Variants in INSR observed in about 807,000 individuals in gnomAD.
INSR encodes the protein insulin receptor, also known as IR.
A neutral mutation model predicts 142.6 loss-of-function variants in INSR; 67 were observed. The ratio of observed to expected loss-of-function variants is 0.47; its 90% CI spans 0.39 to 0.58. INSR has a LOEUF of 0.58. Among genes scored for constraint, INSR ranks in the 20% least tolerant of loss-of-function variants. The probability of loss-of-function intolerance (pLI) is 0.00; values close to 1 mark genes in which losing one functional copy is unlikely to be tolerated. For missense variants in INSR, 1,248 were observed against 1,833.2 expected (o/e 0.68, Z 5.83); for synonymous variants, 756 against 743.1 (o/e 1.02, Z -0.28).
At chr19:7,198,199 C>T (rs1974844027) in intron 2 of INSR, among the ~76,000 whole-genome samples, 1 of 151,492 alleles carries the variant, frequency 6.6e-6, no homozygotes, top group Non-Finnish European at 1.5e-5. Context: ...CCGGCGGTTG[C>T]GGCGGCCGCA....
chr19:7,221,400 AGG>A (rs1975609233), intron 2 of INSR, among the ~76,000 whole-genome samples: 1 of 142,456 alleles, frequency 7.0e-6, no homozygotes, highest in Admixed American at 7.2e-5. Flanking sequence ...GAGGAGGAGG[AGG>A]AGGAAAGAAG....
rs1292899687 is a variant in INSR at position 7,113,300 on chromosome 19, T to C, written c.*3756A>G. On this transcript the variant is annotated 3_prime_UTR_variant, in exon 22 of 22. Coordinates refer to ENST00000302850, the MANE Select transcript of INSR (RefSeq NM_000208.4). ...ATACAGTGAAAGATCTGTCTGTCAG[T>C]TGGTAACATAGTCCCCAGGGTCACA... is the stretch of plus-strand genomic sequence containing the variant. 2.0e-5 allele frequency: 3 copies of C among 152,198 alleles called. No individual in the cohort carries two copies. The highest frequency in any genetic ancestry group is 4.4e-5 in the Non-Finnish European group (3 of 68,044). The allele number at this position is 152,198 out of a possible 1,614,324, so 9.4% of individuals were successfully genotyped here.
Position 7,148,817 on chromosome 19 carries a change from C to T in INSR, c.2267+1680G>A, listed in dbSNP as rs531512305. ...TATTTTATTTTTATTTTTTTTGAGA[C>T]GGAGTCTCGCTCTGTGGCCCAGGCT... On this transcript the variant is annotated intron_variant, in intron 11 of 21. Coordinates refer to ENST00000302850, the MANE Select transcript of INSR (RefSeq NM_000208.4). Among the ~76,000 whole-genome samples, 8 of 150,990 alleles carry T rather than the reference C, an allele frequency of 5.3e-5. No homozygotes were observed. In the East Asian group the frequency reaches 5.9e-4, roughly 11 times the overall value.
intron 2 of INSR, among the ~76,000 whole-genome samples, chr19:7,257,443 A>G (rs1600100892): frequency 7.3e-6 from 1 of 137,656 alleles, no homozygotes; most frequent in East Asian, 2.5e-4. Context: ...CGAAGGGGAA[A>G]GGCGGGGTGG....
At position 7,125,427 on chromosome 19, in the gene INSR, A is replaced by G. The variant is rs774935510; in HGVS notation, c.3114T>C (p.Tyr1038=). 50 of 1,614,018 alleles carry G rather than the reference A, an allele frequency of 3.1e-5. No homozygotes were observed. Among genetic ancestry groups the G allele is most frequent in the South Asian group, 1.2e-4 (11 of 91,084 alleles). The change falls in exon 17 of 22, where the codon TAT becomes TAC. Residue 1038 remains tyrosine, a synonymous_variant. Coordinates refer to ENST00000302850, the MANE Select transcript of INSR (RefSeq NM_000208.4). This position sits in a 1 kb window ranked among gnomAD's most constrained non-coding sequence, Gnocchi z 4.9. ...ELGQGSFGMV[Y]EGNARDIIKG... is the part of the protein sequence containing the mutation. ...TGATGATGTCCCTGGCATTGCCCTCATACACCATGCCGAAGGAGCCCTGCC... is the reference window on the plus strand; with the variant it reads ...TGATGATGTCCCTGGCATTGCCCTCGTACACCATGCCGAAGGAGCCCTGCC...
At chr19:7,132,046 A>G in intron 14 of INSR, 112 bp downstream of exon 14, 7 of 1,308,048 alleles carry the variant, frequency 5.4e-6, no homozygotes, top group Non-Finnish European at 7.7e-6. Flanking sequence ...TAGGCCTGAG[A>G]GTCAAGGCCA....
intron 2 of INSR, among the ~76,000 whole-genome samples, chr19:7,204,520 GA>G (rs1275046726): frequency 6.6e-6 from 1 of 152,136 alleles, no homozygotes; most frequent in Admixed American, 6.6e-5. Context: ...CTGATTGGGG[GA>G]AAGATCCATT....
chr19:7,280,264 A>G (rs998410656), intron 1 of INSR, among the ~76,000 whole-genome samples: 10 of 151,490 alleles, frequency 6.6e-5, no homozygotes, highest in Admixed American at 6.6e-4. Flanking sequence ...ACTCCGTCTC[A>G]TAACAAAAAA....
At chr19:7,261,272 AG>A (rs1977055097) in intron 2 of INSR, among the ~76,000 whole-genome samples, 1 of 152,134 alleles carries the variant, frequency 6.6e-6, no homozygotes, top group South Asian at 2.1e-4. Flanking sequence ...ATTTGCCACT[AG>A]ACTGGCCGCT....
rs577120772 is a variant in INSR, at chr19:7,120,534, G to A, written c.3659+86C>T. The A allele has an allele frequency of 2.3e-5, 36 of 1,533,798 alleles. No homozygotes were observed. The East Asian group carries it at 7.0e-4, about 30-fold the overall frequency. On this transcript the variant is annotated intron_variant, in intron 20 of 21. Transcript: ENST00000302850. ...TCCTTGATGGGGCGTCCAGGAGGAT[G>A]GCAGGCTTCCTTCCCCCGCTCTTGG...
chr19:7,120,088 G>C (rs1972453227), intron 20 of INSR, among the ~76,000 whole-genome samples: 1 of 152,202 alleles, frequency 6.6e-6, no homozygotes, highest in Admixed American at 6.5e-5. Context: ...ATTCTATTCA[G>C]AGTCCCCACT....
At chr19:7,238,009 T>A (rs1976217628) in intron 2 of INSR, among the ~76,000 whole-genome samples, 1 of 151,974 alleles carries the variant, frequency 6.6e-6, no homozygotes, top group African/African-American at 2.4e-5. Context: ...GAGGTTTCCC[T>A]CCATCTTGGG....
At chr19:7,126,345 C>A (rs1045224713) in intron 16 of INSR, among the ~76,000 whole-genome samples, 1 of 152,252 alleles carries the variant, frequency 6.6e-6, no homozygotes, top group Admixed American at 6.5e-5. Flanking sequence ...GTGGTCGACC[C>A]TGCCCAAGGG....
Position 7,254,968 on chromosome 19 carries a change from T to C in INSR, c.652+12377A>G, listed in dbSNP as rs531809440. 3.0e-3 allele frequency among the ~76,000 whole-genome samples: 464 copies of C among 152,256 alleles called. 2 individuals are homozygous for C. Among genetic ancestry groups the C allele is most frequent in the Non-Finnish European group, 5.0e-3 (342 of 68,004 alleles). Reference sequence around the variant, plus strand: ...CTACCCGCCTTCTTCCCAAAAGGATTGGGCCAAAAGGTCAGTTTCAACTGA... The same window carrying C: ...CTACCCGCCTTCTTCCCAAAAGGATCGGGCCAAAAGGTCAGTTTCAACTGA... On this transcript the variant is annotated intron_variant, in intron 2 of 21. Transcript: ENST00000302850.
At chr19:7,258,518 A>G (rs1251740099) in intron 2 of INSR, among the ~76,000 whole-genome samples, 2 of 149,630 alleles carry the variant, frequency 1.3e-5, no homozygotes, top group African/African-American at 4.9e-5. Flanking sequence ...CACTGGGCAA[A>G]GGCCTTACGT....
Position 7,150,390 on chromosome 19 carries a change from C to T in INSR, c.2267+107G>A. On this transcript the variant is annotated intron_variant, in intron 11 of 21. Coordinates refer to ENST00000302850, the MANE Select transcript of INSR (RefSeq NM_000208.4). The surrounding 1 kb of genome is among the most constrained non-coding windows in gnomAD (Gnocchi z 4.2). Reference sequence around the variant, plus strand: ...ATCTGCTCTCCAGCACAGCTGCCCGCCGCATGCAAAAAGCCACAGAAACCC... The same window carrying T: ...ATCTGCTCTCCAGCACAGCTGCCCGTCGCATGCAAAAAGCCACAGAAACCC... The T allele has an allele frequency of 1.0e-6, 1 of 953,392 alleles. No homozygotes were observed. The highest frequency in any genetic ancestry group is 1.7e-6 in the Non-Finnish European group (1 of 598,574). 59.1% of individuals were successfully genotyped at this position (953,392 alleles called of 1,614,324 possible).
At chr19:7,153,366 C>A (rs117229485) in intron 9 of INSR, among the ~76,000 whole-genome samples, 8 of 1,964 alleles carry the variant, frequency 4.1e-3, no homozygotes, top group Admixed American at 8.9e-3. Context: ...CACCACACAC[C>A]CCACACACAC....
Position 7,267,605 on chromosome 19 carries a change from A to T in INSR, c.392T>A (p.Leu131His). ...VIFEMVHLKELGLYNLMNITR... is the reference protein window; with the variant it reads ...VIFEMVHLKEHGLYNLMNITR... ...GATGTTCATCAGGTTGTAGAGGCCG[A>T]GTTCCTTGAGGTGAACCATCTCGAA... The change falls in exon 2 of 22, where the codon CTC (leucine) becomes CAC (histidine). Residue 131 changes from leucine (L) to histidine (H), a missense_variant. Around this residue, in one of 3 missense-constraint regions of INSR, gnomAD observed 1,069 missense variants for 1,654.0 expected, o/e 0.65. Transcript: ENST00000302850. The surrounding 1 kb of genome is among the most constrained non-coding windows in gnomAD (Gnocchi z 6.3). 6.2e-7 allele frequency: 1 copy of T among 1,614,088 alleles called. No individual in the cohort carries two copies. Among genetic ancestry groups the T allele is most frequent in the Non-Finnish European group, 8.5e-7 (1 of 1,180,012 alleles).
intron 1 of INSR, among the ~76,000 whole-genome samples, chr19:7,293,492 G>T (rs1446014226): frequency 1.3e-5 from 2 of 152,230 alleles, no homozygotes; most frequent in African/African-American, 4.8e-5. Flanking sequence ...GGCTCGGAGG[G>T]GCCGGGGCAC....
Sources: allele counts gnomAD v4.1 joint callset (sites outside exome capture counted in the v4.1 genomes callset), GRCh38; gene constraint gnomAD v4.1.1; regional missense constraint gnomAD v4.1.1; non-coding constraint Gnocchi (gnomAD v3.1); transcripts MANE v1.5; gene names NCBI Gene and HGNC (gene_info 2026-07-23, HGNC 2026-07-21).